Variants in CEMIP observed in about 807,000 individuals in gnomAD.
CEMIP encodes the protein cell migration inducing hyaluronidase 1.
In CEMIP, 105 loss-of-function variants were observed where a neutral mutation model predicts 156.9. The ratio of observed to expected loss-of-function variants is 0.67; its 90% CI spans 0.57 to 0.79. The LOEUF is 0.79. Ranked by LOEUF, CEMIP falls within the 30% of genes least tolerant of loss-of-function variation. The probability of loss-of-function intolerance (pLI) is 0.00; values close to 1 mark genes in which losing one functional copy is unlikely to be tolerated. For missense variants in CEMIP, 1,457 were observed against 1,769.4 expected, an observed-to-expected ratio of 0.82 and a Z score of 3.17; for synonymous variants, 676 against 668.4, an observed-to-expected ratio of 1.01 and a Z score of -0.17.
At chr15:80,890,586 CAA>C (rs66794844) in intron 10 of CEMIP, among the ~76,000 whole-genome samples, 7 of 140,132 alleles carry the variant, frequency 5.0e-5, no homozygotes, top group African/African-American at 1.1e-4. Context: ...GACTCTGACT[CAA>C]AAAAAAAAAC....
At chr15:80,787,061 G>A (rs1297894940) in intron 1 of CEMIP, among the ~76,000 whole-genome samples, 1 of 152,184 alleles carries the variant, frequency 6.6e-6, no homozygotes, top group Non-Finnish European at 1.5e-5. Flanking sequence ...AGGGTTGCGG[G>A]TGGTGGCTCC....
intron 1 of CEMIP, among the ~76,000 whole-genome samples, chr15:80,844,488 T>C (rs931008953): frequency 6.6e-6 from 1 of 152,110 alleles, no homozygotes; most frequent in African/African-American, 2.4e-5. Context: ...TTCTCTGGGG[T>C]TTTTGGGTGG....
chr15:80,839,019 G>GT (rs1246371063), intron 1 of CEMIP, among the ~76,000 whole-genome samples: 3 of 152,170 alleles, frequency 2.0e-5, no homozygotes, highest in Non-Finnish European at 2.9e-5. Flanking sequence ...GAGGCCACCC[G>GT]CAGGCGTCTT....
chr15:80,792,770 C>G (rs1287615573), intron 1 of CEMIP, among the ~76,000 whole-genome samples: 2 of 152,130 alleles, frequency 1.3e-5, no homozygotes, highest in African/African-American at 4.8e-5. Flanking sequence ...GGCATGTGCT[C>G]TAGTGTTCCC....
intron 1 of CEMIP, among the ~76,000 whole-genome samples, chr15:80,866,592 A>AAAATAAAT (rs3087304): frequency 0.066 from 8,584 of 130,182 alleles, 323 homozygotes; most frequent in East Asian, 0.1. Flanking sequence ...CTCTGTCTTA[A>AAAATAAAT]AAATAAATAA....
At chr15:80,926,264 A>G (rs1900664728) in intron 19 of CEMIP, among the ~76,000 whole-genome samples, 5 of 152,176 alleles carry the variant, frequency 3.3e-5, no homozygotes, top group African/African-American at 1.2e-4. Flanking sequence ...GGACTCCAAG[A>G]CCCAAATGAA....
intron 1 of CEMIP, among the ~76,000 whole-genome samples, chr15:80,790,173 CTT>C (rs924466562): frequency 3.2e-4 from 48 of 152,180 alleles, no homozygotes; most frequent in African/African-American, 1.1e-3. Flanking sequence ...AAGGCAGAGA[CTT>C]TTCATGTTCT....
At chr15:80,937,593 A>T (rs1289805980) in intron 24 of CEMIP, among the ~76,000 whole-genome samples, 1 of 152,212 alleles carries the variant, frequency 6.6e-6, no homozygotes, top group East Asian at 1.9e-4. Context: ...CTCTTTGCTC[A>T]TGGGCAGCCA....
intron 1 of CEMIP, among the ~76,000 whole-genome samples, chr15:80,810,078 G>A (rs755203306): frequency 1.3e-5 from 2 of 152,014 alleles, no homozygotes; most frequent in Non-Finnish European, 2.9e-5. Flanking sequence ...CAAGGTATGT[G>A]TGTATACCAG....
chr15:80,921,461 A>T (rs1167854910), intron 16 of CEMIP, among the ~76,000 whole-genome samples: 1 of 152,220 alleles, frequency 6.6e-6, no homozygotes, highest in Non-Finnish European at 1.5e-5. Context: ...GAACCCAGTG[A>T]CGTAGGTATT....
chr15:80,869,070 T>A (rs1171048294), intron 1 of CEMIP, among the ~76,000 whole-genome samples: 1 of 152,084 alleles, frequency 6.6e-6, no homozygotes, highest in Non-Finnish European at 1.5e-5. Flanking sequence ...GAAGCCTCTC[T>A]CCTTGGCTTG....
At chr15:80,947,155 G>T (rs1901592949) in intron 29 of CEMIP, 90 bp downstream of exon 29, 4 of 817,308 alleles carry the variant, frequency 4.9e-6, no homozygotes, top group Non-Finnish European at 8.4e-6. Flanking sequence ...TTGCTGAGTT[G>T]AGAACATGCT....
At chr15:80,875,929 A>G (rs1322118781) in intron 3 of CEMIP, among the ~76,000 whole-genome samples, 1 of 152,210 alleles carries the variant, frequency 6.6e-6, no homozygotes, top group Non-Finnish European at 1.5e-5. Context: ...GAGCTTCTGG[A>G]GAGCTGGGAT....
chr15:80,923,861 C>T (rs1251414840), intron 17 of CEMIP, among the ~76,000 whole-genome samples: 2 of 152,168 alleles, frequency 1.3e-5, no homozygotes, highest in Non-Finnish European at 2.9e-5. Flanking sequence ...CTTGCCCAGT[C>T]ATAGTTAGTG....
intron 1 of CEMIP, among the ~76,000 whole-genome samples, chr15:80,862,604 G>A (rs1162805761): frequency 6.6e-6 from 1 of 152,168 alleles, no homozygotes; most frequent in Admixed American, 6.5e-5. Flanking sequence ...AGATAAGATG[G>A]GCCACTTTCA....
At chr15:80,819,897 TCACAATAGGA>T (rs1485690462) in intron 1 of CEMIP, among the ~76,000 whole-genome samples, 3 of 152,296 alleles carry the variant, frequency 2.0e-5, no homozygotes, top group African/African-American at 7.2e-5. Context: ...GGTCACTTGG[TCACAATAGGA>T]CAGAGTCAGG....
chr15:80,917,494 C>T (rs979625828), intron 14 of CEMIP, among the ~76,000 whole-genome samples: 23 of 152,202 alleles, frequency 1.5e-4, no homozygotes, highest in African/African-American at 5.3e-4. Context: ...TTCTCCCATG[C>T]TTGTCTGTCC....
intron 11 of CEMIP, among the ~76,000 whole-genome samples, chr15:80,895,432 C>T (rs1899185679): frequency 6.6e-6 from 1 of 151,928 alleles, no homozygotes; most frequent in African/African-American, 2.4e-5. Flanking sequence ...AAATCCAGTA[C>T]CTAAGGTGCT....
chr15:80,840,742 AG>A (rs1329579820), intron 1 of CEMIP, among the ~76,000 whole-genome samples: 2 of 152,324 alleles, frequency 1.3e-5, no homozygotes, highest in Non-Finnish European at 2.9e-5. Context: ...CCTGGGGTGC[AG>A]GGACCACTGC....
Sources: gnomAD v4.1 joint callset for allele counts (sites outside exome capture counted in the v4.1 genomes callset) on GRCh38, gnomAD v4.1.1 for gene constraint, MANE v1.5 for transcripts, NCBI Gene and HGNC (gene_info 2026-07-23, HGNC 2026-07-21) for gene names.